PPP2R2C: variants seen among roughly 807,000 people sequenced by gnomAD.
PPP2R2C encodes the protein protein phosphatase 2 regulatory subunit Bgamma, also known as protein phosphatase 2, regulatory subunit B, gamma.
PPP2R2C carries 10 observed loss-of-function variants against 45.3 expected under a neutral mutation model. That is an observed-to-expected ratio of 0.22 (90% CI 0.14 to 0.37). The LOEUF is 0.37. Ranked by LOEUF, PPP2R2C falls within the 10% of genes least tolerant of loss-of-function variation. The probability of loss-of-function intolerance (pLI) is 1.00; values close to 1 mark genes in which losing one functional copy is unlikely to be tolerated. For synonymous variants in PPP2R2C, 257 were observed against 245.4 expected (o/e 1.05, Z -0.44); for missense variants, 308 against 619.7 (o/e 0.50, Z 5.34).
chr4:6,508,677 C>G, intron 2 of PPP2R2C, among the ~76,000 whole-genome samples: 1 of 151,606 alleles, frequency 6.6e-6, no homozygotes, highest in East Asian at 2.0e-4. Flanking sequence ...CGAGTGGGCT[C>G]AAACATGCAC....
chr4:6,438,114 T>C (rs548389125), intron 1 of PPP2R2C, among the ~76,000 whole-genome samples: 6 of 152,360 alleles, frequency 3.9e-5, no homozygotes, highest in East Asian at 3.9e-4. Context: ...ACTGGAATGA[T>C]AGTCCTGAGT....
In PPP2R2C at chr4:6,364,711, C is replaced by T. The variant is rs760598365; in HGVS notation, c.625+7812G>A. ...GCACAGAGAACCCAAGTGAGCTGCCCGAGGCCGCGGAGTCCCTATGTCTTG... is the reference window on the plus strand; with the variant it reads ...GCACAGAGAACCCAAGTGAGCTGCCTGAGGCCGCGGAGTCCCTATGTCTTG... On this transcript the variant is annotated intron_variant, in intron 5 of 8. Transcript: ENST00000382599. The surrounding 1 kb of genome is among the most constrained non-coding windows in gnomAD (Gnocchi z 5.3). Among the ~76,000 whole-genome samples the T allele has an allele frequency of 2.6e-4, 40 of 152,190 alleles. No individual in the cohort carries two copies. Among genetic ancestry groups the T allele is most frequent in the African/African-American group, 8.4e-4 (35 of 41,532 alleles).
intron 7 of PPP2R2C, 21 bp downstream of exon 7, chr4:6,333,541 G>T (rs768162313): frequency 1.2e-6 from 2 of 1,607,264 alleles, no homozygotes; most frequent in Non-Finnish European, 8.5e-7. Context: ...GGGATTGGGG[G>T]TCTCCTGCTG....
chr4:6,380,535 G>A (rs1233091462), intron 2 of PPP2R2C: 1 of 162,542 alleles, frequency 6.2e-6, no homozygotes, highest in East Asian at 1.8e-4. Context: ...GTCTGGCCAG[G>A]ACAACGCAGG....
chr4:6,406,229 G>A (rs1410985006), intron 1 of PPP2R2C, among the ~76,000 whole-genome samples: 1 of 152,154 alleles, frequency 6.6e-6, no homozygotes, highest in Non-Finnish European at 1.5e-5. Context: ...CCCTCCAAAG[G>A]GATCTAAACC....
chr4:6,375,175 A>C (rs1212562322), intron 4 of PPP2R2C, among the ~76,000 whole-genome samples: 1 of 152,154 alleles, frequency 6.6e-6, no homozygotes, highest in Non-Finnish European at 1.5e-5. Context: ...ATCGAAGCTA[A>C]TCGGCTGCCC....
intron 1 of PPP2R2C, chr4:6,414,075 TA>T: frequency 7.1e-5 from 66 of 928,236 alleles, no homozygotes; most frequent in East Asian, 2.0e-4. Context: ...TTTGCCTGTG[TA>T]TGTGTGTGTG....
At chr4:6,404,692 G>A (rs1304737893) in intron 1 of PPP2R2C, among the ~76,000 whole-genome samples, 1 of 152,200 alleles carries the variant, frequency 6.6e-6, no homozygotes, top group Non-Finnish European at 1.5e-5. Context: ...GATTCCAAGG[G>A]GGGTTCTAAG....
At chr4:6,469,591 CCAG>C (rs1480440863) in intron 1 of PPP2R2C, among the ~76,000 whole-genome samples, 1 of 152,176 alleles carries the variant, frequency 6.6e-6, no homozygotes, top group Non-Finnish European at 1.5e-5. Context: ...ACTGATCATC[CCAG>C]CAACCCTGTA....
chr4:6,330,867 C>G lies in PPP2R2C; in HGVS notation c.961-1514G>C, dbSNP rs1303933181. ...CTCCCGCCTGGGGCCCTGCTCATCC[C>G]TCCCCAGCCCCCGTGTCCTCCTGGT... On this transcript the variant is annotated intron_variant, in intron 7 of 8. Transcript: ENST00000382599. This position sits in a 1 kb window ranked among gnomAD's most constrained non-coding sequence, Gnocchi z 7.0. Among the ~76,000 whole-genome samples, 6 of 152,198 alleles carry G rather than the reference C, an allele frequency of 3.9e-5. No homozygotes were observed. The highest frequency in any genetic ancestry group is 3.9e-4 in the Admixed American group (6 of 15,288).
At chr4:6,513,774 G>T (rs1328389751) in intron 2 of PPP2R2C, among the ~76,000 whole-genome samples, 1 of 152,194 alleles carries the variant, frequency 6.6e-6, no homozygotes, top group Non-Finnish European at 1.5e-5. Flanking sequence ...CCCCAGAAGG[G>T]GTGGTGGGCA....
chr4:6,472,339 G>A lies in PPP2R2C; in HGVS notation c.-110C>T. 1 of 1,304,156 alleles carries A rather than the reference G, an allele frequency of 7.7e-7. No homozygotes were observed. Among genetic ancestry groups the A allele is most frequent in the Non-Finnish European group, 9.8e-7 (1 of 1,024,310 alleles). 80.8% of individuals were successfully genotyped at this position (1,304,156 alleles called of 1,614,324 possible). On this transcript the variant is annotated 5_prime_UTR_variant, in exon 1 of 9. Transcript: ENST00000382599. The stretch of plus-strand genomic sequence containing the variant: ...TGCCGCCGCAGCCTAGCAGGGGCGC[G>A]GGCCGCCGGGGCCCCGAAGGGAGGG...
In PPP2R2C at chr4:6,563,170, C is replaced by A. The variant is rs1388159676; in HGVS notation, c.-59+390G>T. 6.6e-6 allele frequency among the ~76,000 whole-genome samples: 1 copy of A among 152,170 alleles called. No homozygotes were observed. Among genetic ancestry groups the A allele is most frequent in the African/African-American group, 2.4e-5 (1 of 41,448 alleles). On this transcript the variant is annotated intron_variant, in intron 1 of 9. Transcript: ENST00000506140. The surrounding 1 kb of genome is among the most constrained non-coding windows in gnomAD (Gnocchi z 5.8). ...GCCGGGCAGCGAGGGGGGGCTCGAG[C>A]GCGCCGGTTCTCGGCCGAGACGCTG... is the stretch of plus-strand genomic sequence containing the variant.
chr4:6,375,501 T>C (rs1715227733), intron 4 of PPP2R2C, among the ~76,000 whole-genome samples: 1 of 152,236 alleles, frequency 6.6e-6, no homozygotes. Flanking sequence ...TGTCTCTCTC[T>C]GGGCCTCAGT....
At chr4:6,383,058 T>C (rs1261779067) in intron 1 of PPP2R2C, 1 of 1,090,738 alleles carries the variant, frequency 9.2e-7, no homozygotes, top group Non-Finnish European at 1.1e-6. Flanking sequence ...ATTCTGGGCT[T>C]GTCCCTGTGT....
In PPP2R2C at chr4:6,489,999, C is replaced by T. The variant is rs568508675; in HGVS notation, c.49+45272G>A. Among the ~76,000 whole-genome samples the T allele has an allele frequency of 1.2e-4, 18 of 152,316 alleles. No individual in the cohort carries two copies. The South Asian group carries it at 2.1e-3, about 18-fold the overall frequency. On this transcript the variant is annotated intron_variant, in intron 2 of 9. Coordinates refer to the PPP2R2C transcript ENST00000506140. ...TGGAAAACAGGCAATTAAGCATGAT[C>T]GAGCAGTTTGGCCCAGGAGGAAAAT...
chr4:6,535,444 AC>A, intron 1 of PPP2R2C: 1 of 1,054,448 alleles, frequency 9.5e-7, no homozygotes, highest in Non-Finnish European at 1.4e-6. Flanking sequence ...GCCGCCACAC[AC>A]CACATGCAAC....
chr4:6,527,055 G>A (rs779768630), intron 2 of PPP2R2C, among the ~76,000 whole-genome samples: 2 of 152,246 alleles, frequency 1.3e-5, no homozygotes, highest in Middle Eastern at 3.4e-3. Context: ...GGCTGGTGTC[G>A]GGAGCTGCAG....
intron 5 of PPP2R2C, among the ~76,000 whole-genome samples, chr4:6,360,383 T>G (rs1417368674): frequency 6.6e-6 from 1 of 152,200 alleles, no homozygotes; most frequent in Non-Finnish European, 1.5e-5. Flanking sequence ...GCAAGGGGGA[T>G]GCTGGGTGCA....
Sources: gnomAD v4.1 joint callset for allele counts (sites outside exome capture counted in the v4.1 genomes callset) on GRCh38, gnomAD v4.1.1 for gene constraint, Gnocchi (gnomAD v3.1) non-coding constraint, MANE v1.5 for transcripts, NCBI Gene and HGNC (gene_info 2026-07-23, HGNC 2026-07-21) for gene names.